The following VSTM2A variants were observed in gnomAD, a reference collection of about 807,000 sequenced individuals.
VSTM2A encodes the protein V-set and transmembrane domain-containing protein 2A.
Under a neutral mutation model 27.3 loss-of-function variants are expected in VSTM2A, and 13 were observed. That is an observed-to-expected ratio of 0.48 (90% CI 0.31 to 0.76). The LOEUF is 0.76. VSTM2A is among the 30% of genes least tolerant of loss of function. The pLI is 0.05. For missense variants in VSTM2A, 280 were observed against 310.0 expected, an observed-to-expected ratio of 0.90 and a Z score of 0.73; for synonymous variants, 142 against 125.7, an observed-to-expected ratio of 1.13 and a Z score of -0.87.
chr7:54,567,810 A>G (rs976477803), intron 4 of VSTM2A, among the ~76,000 whole-genome samples: 15 of 151,848 alleles, frequency 9.9e-5, no homozygotes, highest in Admixed American at 3.3e-4. Flanking sequence ...GTTTCTCTTC[A>G]AAAGATAATG....
intron 4 of VSTM2A, among the ~76,000 whole-genome samples, chr7:54,556,044 T>G (rs1448099425): frequency 6.6e-6 from 1 of 152,126 alleles, no homozygotes; most frequent in Non-Finnish European, 1.5e-5. Context: ...GTAAAAAAAT[T>G]TTCTTCTTAT....
At chr7:54,546,565 T>TCACCCCTG (rs1554330514) in intron 2 of VSTM2A, 1 of 140,012 alleles carries the variant, frequency 7.1e-6, no homozygotes, top group African/African-American at 3.1e-5. Flanking sequence ...CCCCCCCGCC[T>TCACCCCTG]GCCCGCCCGC....
chr7:54,549,411 T>C (rs564945593), intron 3 of VSTM2A, among the ~76,000 whole-genome samples: 3 of 152,360 alleles, frequency 2.0e-5, no homozygotes, highest in African/African-American at 7.2e-5. Context: ...ATTTTTGTGA[T>C]GTCTCAGAGT....
At chr7:54,544,830 C>G (rs201345858) in intron 2 of VSTM2A, 42 bp downstream of exon 2, 4 of 1,552,968 alleles carry the variant, frequency 2.6e-6, no homozygotes, top group Non-Finnish European at 2.6e-6. Context: ...TTCGCTCGCC[C>G]GGTCCTCAGG....
chr7:54,548,501 A>G (rs1312914400), intron 3 of VSTM2A, among the ~76,000 whole-genome samples: 2 of 151,852 alleles, frequency 1.3e-5, no homozygotes, highest in Non-Finnish European at 2.9e-5. Flanking sequence ...ATTACTCCAC[A>G]TGCCAGTATT....
intron 4 of VSTM2A, 164 bp downstream of exon 4, chr7:54,550,334 A>C: frequency 6.9e-7 from 1 of 1,455,064 alleles, no homozygotes; most frequent in Non-Finnish European, 9.1e-7. Flanking sequence ...GCACCAATTC[A>C]CTCAGAGCTC....
intron 2 of VSTM2A, 154 bp from the exon 3 acceptor site, chr7:54,546,793 C>A (rs554990352): frequency 3.7e-6 from 3 of 803,366 alleles, no homozygotes; most frequent in East Asian, 3.1e-5. Context: ...GCGGTGCGGT[C>A]TGGGCCTGGA....
At position 54,570,357 on chromosome 7, in the gene VSTM2A, T is replaced by A. The variant is rs2115968545; in HGVS notation, c.*1138T>A. The A allele has an allele frequency of 6.6e-6, 1 of 152,324 alleles. No individual in the cohort carries two copies. The highest frequency in any genetic ancestry group is 2.4e-5 in the African/African-American group (1 of 41,574). 9.4% of individuals were successfully genotyped at this position (152,324 alleles called of 1,614,324 possible). On this transcript the variant is annotated 3_prime_UTR_variant, in exon 5 of 5. Transcript: ENST00000402613. ...AGGTGAAGCACTCACCATAATTCCCTAAATTCATGTTAGAACATTTCTTGC... is the reference window on the plus strand; with the variant it reads ...AGGTGAAGCACTCACCATAATTCCCAAAATTCATGTTAGAACATTTCTTGC...
In VSTM2A at chr7:54,565,036, G is replaced by T. The variant is rs191268167; in HGVS notation, c.635-4095G>T. ...TGAAGTATGTTATATGTGAACTATG[G>T]TATATGTGGTACATTTCCTCTGAAA... is the stretch of plus-strand genomic sequence containing the variant. On this transcript the variant is annotated intron_variant, in intron 4 of 4. Transcript: ENST00000402613. Among the ~76,000 whole-genome samples the T allele has an allele frequency of 1.2e-3, 161 of 133,928 alleles. 1 individual carries two copies. The highest frequency in any genetic ancestry group is 1.2e-3 in the Non-Finnish European group (74 of 59,232). The allele number at this position is 133,928 out of a possible 152,430, so 87.9% of individuals were successfully genotyped here.
At chr7:54,547,289 C>T (rs1312581880) in intron 3 of VSTM2A, 1 of 364,724 alleles carries the variant, frequency 2.7e-6, no homozygotes, top group Non-Finnish European at 4.9e-6. Context: ...AGAGTAAATA[C>T]ATTGCTAATA....
At chr7:54,546,009 A>AG in intron 2 of VSTM2A, among the ~76,000 whole-genome samples, 1 of 76,044 alleles carries the variant, frequency 1.3e-5, no homozygotes, top group South Asian at 7.0e-4. Flanking sequence ...AGGGGGGAGG[A>AG]AGAGAAGGAG....
In VSTM2A at chr7:54,570,340, C is replaced by T. The variant is rs960380508; in HGVS notation, c.*1121C>T. On this transcript the variant is annotated 3_prime_UTR_variant, in exon 5 of 5. Coordinates refer to ENST00000402613, the MANE Select transcript of VSTM2A (RefSeq NM_001301009.2). ...GGAGGCGAATGTGGGGAAGGTGAAG[C>T]ACTCACCATAATTCCCTAAATTCAT... 1 of 152,138 alleles carries T rather than the reference C, an allele frequency of 6.6e-6. No homozygotes were observed. Among genetic ancestry groups the T allele is most frequent in the Non-Finnish European group, 1.5e-5 (1 of 68,028 alleles). The allele number at this position is 152,138 out of a possible 1,614,324, so 9.4% of individuals were successfully genotyped here. A position where few individuals can be genotyped will look rare whatever the true frequency, so the allele number is the denominator to read the frequency against.
Position 54,549,848 on chromosome 7 carries a change from A to G in VSTM2A, c.312A>G (p.Gln104=). The change falls in exon 4 of 5, where the codon CAA becomes CAG. Residue 104 remains glutamine, a synonymous_variant. Transcript: ENST00000402613. ...CAATTTTTCAGACAGTGAAAGTCCA[A>G]GGCAATGACATCTCCCACAAGCTTC... is the stretch of plus-strand genomic sequence containing the variant. ...DGTKISTVKV[Q]GNDISHKLQI... is the part of the protein sequence containing the mutation. 6.3e-7 allele frequency: 1 copy of G among 1,596,738 alleles called. No homozygotes were observed. Among genetic ancestry groups the G allele is most frequent in the Non-Finnish European group, 8.5e-7 (1 of 1,171,108 alleles).
Position 54,542,786 on chromosome 7 carries a change from T to C in VSTM2A, c.56T>C (p.Val19Ala), listed in dbSNP as rs1562702355. Residue 19 changes from valine (V) to alanine (A), a missense_variant, in exon 1 of 5, where the codon GTA (valine) becomes GCA (alanine). Physicochemically the swap from Val to Ala is moderately conservative, Grantham distance 64. Transcript: ENST00000402613. ...TTTGTTTTCTTTTCCGTTTTATATG[T>C]ACAACAAGGGCTTTCTTCTCAAGGT... ...VGFVFFSVLY[V>A]QQGLSSQAKF... The C allele has an allele frequency of 6.2e-7, 1 of 1,613,938 alleles. No individual in the cohort carries two copies. Among genetic ancestry groups the C allele is most frequent in the Non-Finnish European group, 8.5e-7 (1 of 1,179,838 alleles).
chr7:54,545,766 A>G (rs1167784733), intron 2 of VSTM2A, among the ~76,000 whole-genome samples: 21 of 84,798 alleles, frequency 2.5e-4, no homozygotes, highest in Non-Finnish European at 3.4e-4. Context: ...GCAGGGAGAG[A>G]GAAAGGAGAA....
At chr7:54,563,021 T>C (rs971117913) in intron 4 of VSTM2A, among the ~76,000 whole-genome samples, 1 of 152,240 alleles carries the variant, frequency 6.6e-6, no homozygotes, top group African/African-American at 2.4e-5. Context: ...TTCTTATTTA[T>C]GCATTAAAGC....
intron 4 of VSTM2A, among the ~76,000 whole-genome samples, chr7:54,561,033 A>G (rs977394183): frequency 1.8e-4 from 28 of 152,152 alleles, no homozygotes; most frequent in African/African-American, 6.8e-4. Flanking sequence ...TCCATATGCT[A>G]TGAAGGCAAT....
In VSTM2A at chr7:54,569,401, A is replaced by G; in HGVS notation, c.*182A>G. ...CCCTTTTCTTTCGGCGACTAAAATC[A>G]TCTCACTGACTGCTCAAGGGTTGGC... On this transcript the variant is annotated 3_prime_UTR_variant, in exon 5 of 5. Transcript: ENST00000402613. 9.2e-7 allele frequency: 1 copy of G among 1,084,410 alleles called. No individual in the cohort carries two copies. Among genetic ancestry groups the G allele is most frequent in the Non-Finnish European group, 1.3e-6 (1 of 780,534 alleles). 67.2% of individuals were successfully genotyped at this position (1,084,410 alleles called of 1,614,324 possible).
intron 4 of VSTM2A, among the ~76,000 whole-genome samples, chr7:54,566,358 CA>C (rs548188736): frequency 2.3e-4 from 35 of 152,214 alleles, no homozygotes; most frequent in African/African-American, 8.2e-4. Flanking sequence ...TTTAAACTTG[CA>C]AAAAATTTTA....
Sources: gnomAD v4.1 joint callset for allele counts (sites outside exome capture counted in the v4.1 genomes callset) on GRCh38, gnomAD v4.1.1 for gene constraint, MANE v1.5 for transcripts, NCBI Gene and HGNC (gene_info 2026-07-23, HGNC 2026-07-21) for gene names.